POLE4: variants seen among roughly 807,000 people sequenced by gnomAD.
The protein encoded by POLE4 is DNA polymerase epsilon 4, accessory subunit.
A neutral mutation model predicts 15.6 loss-of-function variants in POLE4; 15 were observed. The ratio of observed to expected loss-of-function variants is 0.96; its 90% confidence interval spans 0.64 to 1.48. The LOEUF is 1.48. Ranked by LOEUF, POLE4 falls within the 40% of genes most tolerant of loss-of-function variation. The pLI is 0.00. For synonymous variants in POLE4, 83 were observed against 63.2 expected (o/e 1.31, Z -1.49); for missense variants, 205 against 151.9 (o/e 1.35, Z -1.84).
chr2:74,965,674 A>G lies in POLE4; in HGVS notation c.341-3735A>G, dbSNP rs117778825. On this transcript the variant is annotated intron_variant, in intron 3 of 3. Coordinates refer to ENST00000483063, the MANE Select transcript of POLE4 (RefSeq NM_019896.4). ...TTCTTTCATTATATATTATGAAACCATGTGATTAGATATATACAAATTTAA... is the reference window on the plus strand; with the variant it reads ...TTCTTTCATTATATATTATGAAACCGTGTGATTAGATATATACAAATTTAA... 9.7e-4 allele frequency among the ~76,000 whole-genome samples: 147 copies of G among 152,296 alleles called. 2 individuals are homozygous for G. The East Asian group carries it at 0.025, about 26-fold the overall frequency.
At chr2:74,962,793 A>C (rs1395960541) in intron 3 of POLE4, among the ~76,000 whole-genome samples, 2 of 152,024 alleles carry the variant, frequency 1.3e-5, no homozygotes, top group Admixed American at 6.5e-5. Context: ...CTGTTTCCTA[A>C]CTTTTTTGGT....
intron 3 of POLE4, among the ~76,000 whole-genome samples, chr2:74,968,964 T>C (rs1392615849): frequency 6.6e-6 from 1 of 152,188 alleles, no homozygotes. Flanking sequence ...GTTGTAGATT[T>C]ATACTTTTTA....
intron 3 of POLE4, among the ~76,000 whole-genome samples, chr2:74,965,560 G>C (rs963646740): frequency 1.3e-5 from 2 of 152,092 alleles, no homozygotes; most frequent in African/African-American, 4.8e-5. Flanking sequence ...AATTTCTTCT[G>C]TCTGCTTATT....
chr2:74,959,870 A>C (rs1279273268), intron 2 of POLE4: 11 of 514,872 alleles, frequency 2.1e-5, no homozygotes, highest in Non-Finnish European at 3.4e-5. Flanking sequence ...GGAGGCCCCC[A>C]ACCCCCGCGT....
intron 1 of POLE4, 24 bp downstream of exon 1, chr2:74,958,916 G>A (rs1671168778): frequency 6.5e-7 from 1 of 1,547,074 alleles, no homozygotes; most frequent in East Asian, 2.5e-5. Flanking sequence ...GCGAGGGCAT[G>A]CGGGAGTGGG....
rs1354860877 is a variant in POLE4 at position 74,958,910 on chromosome 2, G to A, written c.213+18G>A. ...GAGCCGCGGTGCGCCTGCAGCGCGA[G>A]GGCATGCGGGAGTGGGGGAGGTGGA... On this transcript the variant is annotated intron_variant, in intron 1 of 3. Transcript: ENST00000483063. 2 of 1,549,540 alleles carry A rather than the reference G, an allele frequency of 1.3e-6. No homozygotes were observed. Among genetic ancestry groups the A allele is most frequent in the African/African-American group, 1.4e-5 (1 of 73,122 alleles).
At chr2:74,965,090 ATTTTT>A (rs35849174) in intron 3 of POLE4, among the ~76,000 whole-genome samples, 1 of 124,940 alleles carries the variant, frequency 8.0e-6, no homozygotes, top group Non-Finnish European at 1.7e-5. Context: ...CTTTTTATCT[ATTTTT>A]TTTTTTTTTT....
At chr2:74,969,169 CT>C (rs565822358) in intron 3 of POLE4, among the ~76,000 whole-genome samples, 2 of 152,254 alleles carry the variant, frequency 1.3e-5, no homozygotes, top group African/African-American at 4.8e-5. Flanking sequence ...CTTCTTAGCC[CT>C]TTTCCCACTT....
chr2:74,963,143 T>G (rs1254679300), intron 3 of POLE4, among the ~76,000 whole-genome samples: 1 of 152,244 alleles, frequency 6.6e-6, no homozygotes, highest in African/African-American at 2.4e-5. Flanking sequence ...GTATAAAATA[T>G]ATAATACTGC....
rs554111711 is a variant in POLE4 at position 74,959,128 on chromosome 2, C to G, written c.214-213C>G. 1.7e-4 allele frequency: 103 copies of G among 611,414 alleles called. No individual in the cohort carries two copies. The South Asian group carries it at 1.9e-3, about 12-fold the overall frequency. The allele number at this position is 611,414 out of a possible 1,614,324, so 37.9% of individuals were successfully genotyped here. The stretch of plus-strand genomic sequence containing the variant: ...TAATTTGTATCTCCAGGGCCTCGTA[C>G]AGAACTTGTAGGAGTCTTTAGTGAA... On this transcript the variant is annotated intron_variant, in intron 1 of 3. Coordinates refer to ENST00000483063, the MANE Select transcript of POLE4 (RefSeq NM_019896.4).
intron 3 of POLE4, chr2:74,960,570 G>A (rs765209211): frequency 2.0e-6 from 1 of 501,746 alleles, no homozygotes; most frequent in Non-Finnish European, 4.0e-6. Context: ...AATAAGACTT[G>A]TACTTGTCTG....
chr2:74,967,036 G>A (rs1456801345), intron 3 of POLE4, among the ~76,000 whole-genome samples: 1 of 151,864 alleles, frequency 6.6e-6, no homozygotes, highest in African/African-American at 2.4e-5. Flanking sequence ...ATTTTCTGTG[G>A]TTTCACTCTG....
intron 3 of POLE4, among the ~76,000 whole-genome samples, chr2:74,962,981 A>G (rs1671246558): frequency 1.3e-5 from 2 of 152,230 alleles, no homozygotes; most frequent in Non-Finnish European, 2.9e-5. Context: ...GTGTGATTGC[A>G]CATAACTCAT....
At chr2:74,959,121 C>T in intron 1 of POLE4, 1 of 610,724 alleles carries the variant, frequency 1.6e-6, no homozygotes, top group South Asian at 2.0e-5. Context: ...ATCTCCAGGG[C>T]CTCGTACAGA....
intron 1 of POLE4, 163 bp downstream of exon 1, chr2:74,959,055 T>C: frequency 1.5e-6 from 1 of 646,782 alleles, no homozygotes; most frequent in Non-Finnish European, 2.7e-6. Context: ...TGTGCGAGTT[T>C]TGTTAACACT....
rs748965510 is a variant in POLE4, at chr2:74,958,720, A to G, written c.41A>G (p.Glu14Gly). 10 of 1,497,742 alleles carry G rather than the reference A, an allele frequency of 6.7e-6. 1 individual carries two copies. In the South Asian group the frequency reaches 7.6e-5, roughly 11 times the overall value. 92.8% of individuals were successfully genotyped at this position (1,497,742 alleles called of 1,614,324 possible). The change falls in exon 1 of 4, where the codon GAG becomes GGG. Residue 14 changes from glutamate (E) to glycine (G), a missense_variant. Glu to Gly is a moderately conservative substitution (Grantham distance 98). Transcript: ENST00000483063. Reference protein sequence around the residue: ...AAAAGSGTPREEEGPAGEAAA... With the variant: ...AAAAGSGTPRGEEGPAGEAAA... ...GCGGCAGGAAGCGGGACGCCCCGAG[A>G]GGAGGAGGGACCTGCTGGGGAGGCA...
intron 2 of POLE4, 109 bp downstream of exon 2, chr2:74,959,534 C>G (rs1671185377): frequency 2.9e-6 from 2 of 693,702 alleles, no homozygotes; most frequent in African/African-American, 3.6e-5. Context: ...CACAGCGTCT[C>G]TCCCCAGGAT....
chr2:74,964,309 A>G (rs1671267577), intron 3 of POLE4, among the ~76,000 whole-genome samples: 1 of 152,142 alleles, frequency 6.6e-6, no homozygotes, highest in African/African-American at 2.4e-5. Context: ...TATCTTTGCT[A>G]TTTTTGAATC....
At chr2:74,960,083 G>A (rs2103672742) in intron 2 of POLE4, 22 bp from the exon 3 acceptor site, 1 of 1,611,750 alleles carries the variant, frequency 6.2e-7, no homozygotes, top group Non-Finnish European at 8.5e-7. Flanking sequence ...TTAGTCAGGT[G>A]TCTCTTTTCC....
Sources: allele counts gnomAD v4.1 joint callset (sites outside exome capture counted in the v4.1 genomes callset), GRCh38; gene constraint gnomAD v4.1.1; transcripts MANE v1.5; gene names NCBI Gene and HGNC (gene_info 2026-07-23, HGNC 2026-07-21).